The following UNC13C variants were observed in gnomAD, a reference collection of about 807,000 sequenced individuals.
UNC13C encodes the protein protein unc-13 homolog C.
Under a neutral mutation model 245.4 loss-of-function variants are expected in UNC13C, and 174 were observed. The observed-to-expected ratio is 0.71, with a 90% CI of 0.63 to 0.80. The LOEUF (loss-of-function observed/expected upper bound fraction) is 0.80, where lower values mean the gene tolerates loss of function less well. Among genes scored for constraint, UNC13C ranks in the 30% least tolerant of loss-of-function variants. The probability of loss-of-function intolerance (pLI) is 0.00; values close to 1 mark genes in which losing one functional copy is unlikely to be tolerated. For synonymous variants in UNC13C, 992 were observed against 895.1 expected (o/e 1.11, Z -1.93); for missense variants, 2,829 against 2,602.9 (o/e 1.09, Z -1.89).
intron 29 of UNC13C, among the ~76,000 whole-genome samples, chr15:54,560,118 A>G (rs577994983): frequency 1.3e-5 from 2 of 152,136 alleles, no homozygotes; most frequent in South Asian, 2.1e-4. Context: ...GTGGGTTATG[A>G]TTATATCTAA....
chr15:54,556,477 C>A (rs1566907978), intron 29 of UNC13C, among the ~76,000 whole-genome samples: 2 of 151,970 alleles, frequency 1.3e-5, no homozygotes, highest in Non-Finnish European at 2.9e-5. Flanking sequence ...GTGGTAAAAA[C>A]TGCCACATTA....
At chr15:54,315,060 G>A (rs148525725) in intron 13 of UNC13C, among the ~76,000 whole-genome samples, 46 of 151,608 alleles carry the variant, frequency 3.0e-4, no homozygotes, top group African/African-American at 1.1e-3. Flanking sequence ...TTCCACTGCC[G>A]ACTCATTTGA....
intron 2 of UNC13C, among the ~76,000 whole-genome samples, chr15:54,066,789 T>G (rs1898096206): frequency 6.6e-6 from 1 of 152,164 alleles, no homozygotes; most frequent in East Asian, 1.9e-4. Flanking sequence ...AGGGAAAAAG[T>G]GCTGTGATGT....
At chr15:54,140,120 C>T (rs1450551099) in intron 2 of UNC13C, among the ~76,000 whole-genome samples, 6 of 151,954 alleles carry the variant, frequency 3.9e-5, no homozygotes, top group Non-Finnish European at 2.9e-5. Context: ...GCTTCTTTTA[C>T]AAAATTTTAG....
chr15:53,853,287 T>C, the UNC13C span, among the ~76,000 whole-genome samples: 1 of 152,158 alleles, frequency 6.6e-6, no homozygotes, highest in East Asian at 1.9e-4. Flanking sequence ...TGCTTTTCTG[T>C]TCCTGCATTA....
At chr15:54,056,384 A>G (rs939779408) in intron 2 of UNC13C, among the ~76,000 whole-genome samples, 12 of 152,210 alleles carry the variant, frequency 7.9e-5, no homozygotes, top group South Asian at 2.1e-4. Context: ...AATGAATGAA[A>G]TGAAGCATGA....
the UNC13C span, among the ~76,000 whole-genome samples, chr15:53,918,463 C>A: frequency 1.3e-5 from 2 of 152,134 alleles, no homozygotes; most frequent in African/African-American, 2.4e-5. Flanking sequence ...AACCTTCAAC[C>A]TTTCATAGTT....
At chr15:53,884,628 C>T in the UNC13C span, among the ~76,000 whole-genome samples, 2 of 152,134 alleles carry the variant, frequency 1.3e-5, no homozygotes, top group African/African-American at 2.4e-5. Context: ...AGTCATCGCA[C>T]CTGGCCAACT....
the UNC13C span, among the ~76,000 whole-genome samples, chr15:53,842,724 G>T: frequency 6.6e-6 from 1 of 151,974 alleles, no homozygotes; most frequent in South Asian, 2.1e-4. Flanking sequence ...GATAGAAATT[G>T]TATAGTTTGA....
chr15:53,857,889 A>G, the UNC13C span, among the ~76,000 whole-genome samples: 37 of 152,222 alleles, frequency 2.4e-4, no homozygotes, highest in South Asian at 4.1e-4. Context: ...TTTCTTCAGT[A>G]TTATTTAACA....
intron 17 of UNC13C, among the ~76,000 whole-genome samples, chr15:54,386,855 G>A (rs1338776869): frequency 6.6e-6 from 1 of 152,164 alleles, no homozygotes; most frequent in South Asian, 2.1e-4. Flanking sequence ...GAGAAGAGGG[G>A]CATGTGGCTC....
intron 13 of UNC13C, among the ~76,000 whole-genome samples, chr15:54,317,358 C>T (rs1042340067): frequency 2.0e-5 from 3 of 151,788 alleles, no homozygotes; most frequent in Admixed American, 6.6e-5. Flanking sequence ...TCACATATAA[C>T]CTATGAATTA....
At chr15:54,621,982 G>A (rs552320953) in intron 30 of UNC13C, among the ~76,000 whole-genome samples, 1 of 152,194 alleles carries the variant, frequency 6.6e-6, no homozygotes, top group Admixed American at 6.6e-5. Flanking sequence ...AGCTCTTAAA[G>A]TAATAAAAAG....
intron 16 of UNC13C, among the ~76,000 whole-genome samples, chr15:54,334,910 T>A (rs1457620796): frequency 1.3e-5 from 2 of 151,880 alleles, no homozygotes; most frequent in Non-Finnish European, 2.9e-5. Flanking sequence ...AAAAACACTA[T>A]CTCCTTAAAC....
chr15:54,073,334 A>G (rs1461153241), intron 2 of UNC13C, among the ~76,000 whole-genome samples: 2 of 152,148 alleles, frequency 1.3e-5, no homozygotes, highest in Admixed American at 6.5e-5. Context: ...CAGTGCTGCA[A>G]TACATATACA....
the UNC13C span, among the ~76,000 whole-genome samples, chr15:53,901,839 T>A: frequency 2.6e-5 from 4 of 152,168 alleles, no homozygotes; most frequent in Admixed American, 2.0e-4. Context: ...TAAAGGTAAT[T>A]GATTATTTCA....
rs1596561478 is a variant in UNC13C, at chr15:54,554,035, G to A, written c.5878-1397G>A. Among the ~76,000 whole-genome samples the A allele has an allele frequency of 2.6e-5, 4 of 151,936 alleles. No individual in the cohort carries two copies. In the South Asian group the frequency reaches 8.3e-4, roughly 31 times the overall value. ...GTATCAGAGAAAGATTCAGTAAGATGTATAAATATATATCATGGATCCATG... is the reference window on the plus strand; with the variant it reads ...GTATCAGAGAAAGATTCAGTAAGATATATAAATATATATCATGGATCCATG... On this transcript the variant is annotated intron_variant, in intron 28 of 32. Coordinates refer to ENST00000260323, the MANE Select transcript of UNC13C (RefSeq NM_001080534.3).
intron 1 of UNC13C, among the ~76,000 whole-genome samples, chr15:54,003,531 T>G (rs1894995863): frequency 6.6e-6 from 1 of 152,134 alleles, no homozygotes; most frequent in Non-Finnish European, 1.5e-5. Context: ...AGACTTTAAT[T>G]TTTAAAAAAT....
chr15:53,946,759 G>A, the UNC13C span, among the ~76,000 whole-genome samples: 1 of 148,156 alleles, frequency 6.7e-6, no homozygotes, highest in South Asian at 2.2e-4. Flanking sequence ...ATAATCATGT[G>A]GTTTTCATTT....
Sources: gnomAD v4.1 joint callset for allele counts (sites outside exome capture counted in the v4.1 genomes callset) on GRCh38, gnomAD v4.1.1 for gene constraint, MANE v1.5 for transcripts, NCBI Gene and HGNC (gene_info 2026-07-23, HGNC 2026-07-21) for gene names.